The following MYO16 variants were observed in gnomAD, a reference collection of about 807,000 sequenced individuals.
The protein encoded by MYO16 is unconventional myosin-XVI.
A neutral mutation model predicts 205.3 loss-of-function variants in MYO16; 94 were observed. That is an observed-to-expected ratio of 0.46 (90% CI 0.39 to 0.54). MYO16 has a LOEUF of 0.54. Among genes scored for constraint, MYO16 ranks in the 20% least tolerant of loss-of-function variants. The pLI, the probability that MYO16 is intolerant of heterozygous loss-of-function variation, is 0.00. For synonymous variants in MYO16, 988 were observed against 954.0 expected, an observed-to-expected ratio of 1.04 and a Z score of -0.66; for missense variants, 2,315 against 2,387.5, an observed-to-expected ratio of 0.97 and a Z score of 0.63.
chr13:108,597,505 A>AT (rs149122691), intron 1 of MYO16, among the ~76,000 whole-genome samples: 5,357 of 152,174 alleles, frequency 0.035, 289 homozygotes, highest in African/African-American at 0.12. Flanking sequence ...CTATCACCCC[A>AT]TTGTGTTTAA....
At chr13:109,019,932 A>C in intron 23 of MYO16, 21 bp downstream of exon 23, 3 of 1,609,030 alleles carry the variant, frequency 1.9e-6, no homozygotes, top group Non-Finnish European at 2.6e-6. Context: ...AGAACTGCAT[A>C]ATTTTTCATG....
chr13:108,629,739 A>G lies in MYO16; in HGVS notation c.-106A>G. The G allele has an allele frequency of 9.4e-7, 1 of 1,064,646 alleles. No homozygotes were observed. Among genetic ancestry groups the G allele is most frequent in the Admixed American group, 2.0e-5 (1 of 49,106 alleles). The allele number at this position is 1,064,646 out of a possible 1,614,324, so 65.9% of individuals were successfully genotyped here. ...CATGCAATAGTGCATCCTGAGGTAA[A>G]CTGTTACCTGAGTAAGGGCTTTAAG... On this transcript the variant is annotated 5_prime_UTR_variant, in exon 1 of 35. Transcript: ENST00000457511.
intron 17 of MYO16, 63 bp from the exon 18 acceptor site, chr13:108,961,476 A>T: frequency 7.5e-7 from 1 of 1,332,536 alleles, no homozygotes; most frequent in Non-Finnish European, 1.1e-6. Flanking sequence ...ATATTTAAAA[A>T]TTTTGCCTTT....
chr13:108,771,652 C>G (rs1268756275), intron 4 of MYO16, among the ~76,000 whole-genome samples: 2 of 151,184 alleles, frequency 1.3e-5, no homozygotes, highest in Non-Finnish European at 2.9e-5. Context: ...CCGTTGATCA[C>G]CACCCGACCC....
At chr13:108,662,637 C>T (rs772015225) in intron 1 of MYO16, among the ~76,000 whole-genome samples, 3 of 152,140 alleles carry the variant, frequency 2.0e-5, no homozygotes, top group Non-Finnish European at 4.4e-5. Context: ...AAACCAACAG[C>T]CCTGAGTCTG....
intron 32 of MYO16, among the ~76,000 whole-genome samples, chr13:109,152,317 C>T (rs9514996): frequency 0.2 from 31,173 of 152,154 alleles, 3,276 homozygotes; most frequent in East Asian, 0.29. Context: ...TGGTGTTGTT[C>T]TAGTTCCTTC....
chr13:108,814,680 T>C (rs1887394866), intron 7 of MYO16, among the ~76,000 whole-genome samples: 1 of 152,114 alleles, frequency 6.6e-6, no homozygotes, highest in Non-Finnish European at 1.5e-5. Flanking sequence ...TTGAAATAAT[T>C]TGTGTTCTGC....
chr13:108,570,852 T>C, the MYO16 span, among the ~76,000 whole-genome samples: 24,650 of 152,186 alleles, frequency 0.16, 2,391 homozygotes, highest in Non-Finnish European at 0.22. Context: ...TGCTGTTTAG[T>C]GGTTCTGTAG....
In MYO16 at chr13:108,961,776, A is replaced by G. The variant is rs1049755361; in HGVS notation, c.2155+120A>G. The stretch of plus-strand genomic sequence containing the variant: ...GCTTAAACCCTTTCCTCTATAGTAG[A>G]ATTCAGTGAGGGGGGGAAATTGTCT... On this transcript the variant is annotated intron_variant, in intron 18 of 34. Transcript: ENST00000457511. The G allele has an allele frequency of 4.1e-6, 3 of 726,948 alleles. No individual in the cohort carries two copies. In the African/African-American group the frequency reaches 5.3e-5, roughly 13 times the overall value. The allele number at this position is 726,948 out of a possible 1,614,324, so 45.0% of individuals were successfully genotyped here.
Position 108,806,754 on chromosome 13 carries a change from G to A in MYO16, c.817G>A (p.Val273Ile). The change falls in exon 7 of 35, where the codon GTA becomes ATA. Residue 273 changes from valine (V) to isoleucine (I), a missense_variant. Transcript: ENST00000457511. ...GGAACATGGTGGAGACCTCAACATA[G>A]TAGATGATCAGTACTGGACTCCCCT... ...ILEHGGDLNI[V>I]DDQYWTPLHL... 6.2e-7 allele frequency: 1 copy of A among 1,613,094 alleles called. No homozygotes were observed. Among genetic ancestry groups the A allele is most frequent in the Non-Finnish European group, 8.5e-7 (1 of 1,179,260 alleles).
At chr13:108,970,561 C>T (rs78204703) in intron 20 of MYO16, among the ~76,000 whole-genome samples, 1,942 of 152,234 alleles carry the variant, frequency 0.013, 36 homozygotes, top group African/African-American at 0.044. Flanking sequence ...CCTGGGCTGC[C>T]GCACCCCAGT....
intron 16 of MYO16, among the ~76,000 whole-genome samples, chr13:108,935,180 A>G (rs767518704): frequency 2.1e-4 from 32 of 152,124 alleles, no homozygotes; most frequent in Non-Finnish European, 3.7e-4. Flanking sequence ...GTTTAATAGG[A>G]ATAGAATTGA....
chr13:108,739,543 G>T (rs535504912), intron 4 of MYO16, among the ~76,000 whole-genome samples: 5 of 152,150 alleles, frequency 3.3e-5, no homozygotes, highest in Non-Finnish European at 7.3e-5. Flanking sequence ...TGAGTAACCC[G>T]ACCTTTCTCT....
At position 109,055,203 on chromosome 13, in the gene MYO16, T is replaced by G. The variant is rs1013112364; in HGVS notation, c.3129+77T>G. The G allele has an allele frequency of 7.8e-7, 1 of 1,278,906 alleles. No individual in the cohort carries two copies. The highest frequency in any genetic ancestry group is 1.5e-5 in the African/African-American group (1 of 66,164). The allele number at this position is 1,278,906 out of a possible 1,614,324, so 79.2% of individuals were successfully genotyped here. ...AAGAGGGTTTATGTAGACTTTTTTTTCCATTTTTGACAACTTAAATATCTT... is the reference window on the plus strand; with the variant it reads ...AAGAGGGTTTATGTAGACTTTTTTTGCCATTTTTGACAACTTAAATATCTT... On this transcript the variant is annotated intron_variant, in intron 26 of 34. Transcript: ENST00000457511. This position sits in a 1 kb window ranked among gnomAD's most constrained non-coding sequence, Gnocchi z 5.0.
rs1031851749 is a variant in MYO16, at chr13:108,984,854, G to A, written c.2370-7522G>A. On this transcript the variant is annotated intron_variant, in intron 20 of 34. Transcript: ENST00000457511. ...GTGCGTGGATCCTTTTGTGGCATGAGATCTCTTAAAGATCACTGGGCTAAC... is the reference window on the plus strand; with the variant it reads ...GTGCGTGGATCCTTTTGTGGCATGAAATCTCTTAAAGATCACTGGGCTAAC... Among the ~76,000 whole-genome samples, 4 of 152,140 alleles carry A rather than the reference G, an allele frequency of 2.6e-5. No individual in the cohort carries two copies. The East Asian group carries it at 5.8e-4, about 22-fold the overall frequency.
At position 108,876,643 on chromosome 13, in the gene MYO16, C is replaced by A. The variant is rs1185199763; in HGVS notation, c.1426-6416C>A. ...ACTATTTTTTATATTTTAATTAACT[C>A]ATAACATAGTAACTATATTCTCTCT... On this transcript the variant is annotated intron_variant, in intron 12 of 34. Coordinates refer to ENST00000457511, the MANE Select transcript of MYO16 (RefSeq NM_001198950.3). Among the ~76,000 whole-genome samples, 6 of 150,612 alleles carry A rather than the reference C, an allele frequency of 4.0e-5. No homozygotes were observed. The South Asian group carries it at 1.3e-3, about 32-fold the overall frequency.
At chr13:108,915,128 TGC>T (rs986545074) in intron 16 of MYO16, among the ~76,000 whole-genome samples, 3 of 152,220 alleles carry the variant, frequency 2.0e-5, no homozygotes, top group Non-Finnish European at 4.4e-5. Context: ...ATAGGACGTG[TGC>T]CTAACTTTAG....
At chr13:108,953,036 C>T (rs1170178721) in intron 16 of MYO16, among the ~76,000 whole-genome samples, 1 of 151,908 alleles carries the variant, frequency 6.6e-6, no homozygotes, top group Non-Finnish European at 1.5e-5. Flanking sequence ...AGTCCACTGG[C>T]CACTGGGAAG....
chr13:108,674,790 C>T (rs1358807224), intron 2 of MYO16, among the ~76,000 whole-genome samples: 6 of 152,162 alleles, frequency 3.9e-5, no homozygotes, highest in Admixed American at 3.9e-4. Context: ...TGTAGACTCT[C>T]CCCAAAAGAG....
Sources: allele counts gnomAD v4.1 joint callset (sites outside exome capture counted in the v4.1 genomes callset), GRCh38; gene constraint gnomAD v4.1.1; non-coding constraint Gnocchi (gnomAD v3.1); transcripts MANE v1.5; gene names NCBI Gene and HGNC (gene_info 2026-07-23, HGNC 2026-07-21).